Variants in CECR2 observed in about 807,000 individuals in gnomAD.
CECR2 encodes CECR2 histone acetyl-lysine reader, also known as chromatin remodeling regulator CECR2.
CECR2 carries 30 observed loss-of-function variants against 154.5 expected under a neutral mutation model. That is an observed-to-expected ratio of 0.19 (90% CI 0.15 to 0.26). CECR2 has a LOEUF of 0.26. Ranked by LOEUF, CECR2 falls within the 10% of genes least tolerant of loss-of-function variation. The probability of loss-of-function intolerance (pLI) is 1.00; values close to 1 mark genes in which losing one functional copy is unlikely to be tolerated. For missense variants in CECR2, 1,743 were observed against 1,829.3 expected, an observed-to-expected ratio of 0.95 and a Z score of 0.86; for synonymous variants, 725 against 683.7, an observed-to-expected ratio of 1.06 and a Z score of -0.94.
chr22:17,430,734 T>C (rs966933004), intron 1 of CECR2, among the ~76,000 whole-genome samples: 1 of 151,588 alleles, frequency 6.6e-6, no homozygotes, highest in African/African-American at 2.4e-5. Context: ...GGTTGCATCA[T>C]CCCTTTGGGT....
chr22:17,438,820 A>G (rs531785958), intron 1 of CECR2, among the ~76,000 whole-genome samples: 1 of 152,190 alleles, frequency 6.6e-6, no homozygotes, highest in African/African-American at 2.4e-5. Context: ...GATTTTTCAC[A>G]GTGAAACTTA....
At position 17,399,025 on chromosome 22, in the gene CECR2, C is replaced by T. The variant is rs114765945; in HGVS notation, c.126+29116C>T. Among the ~76,000 whole-genome samples the T allele has an allele frequency of 8.8e-3, 1,337 of 152,264 alleles. 17 individuals are homozygous for T. Among genetic ancestry groups the T allele is most frequent in the African/African-American group, 0.031 (1,274 of 41,540 alleles). On this transcript the variant is annotated intron_variant, in intron 1 of 18. Coordinates refer to ENST00000262608, the MANE Select transcript of CECR2 (RefSeq NM_001290047.2). Reference sequence around the variant, plus strand: ...TAGAAATGCAGAATCTCAGGCCTTACCCTGGATCTGTCTACTCAATCAGAT... The same window carrying T: ...TAGAAATGCAGAATCTCAGGCCTTATCCTGGATCTGTCTACTCAATCAGAT...
At chr22:17,462,427 T>C (rs1292801410) in intron 1 of CECR2, among the ~76,000 whole-genome samples, 2 of 147,826 alleles carry the variant, frequency 1.4e-5, no homozygotes, top group Non-Finnish European at 3.0e-5. Flanking sequence ...TTGAGGTCAT[T>C]TGGGGAGGCT....
rs553870318 is a variant in CECR2, at chr22:17,549,286, A to T, written c.3999A>T (p.Ser1333=). The T allele has an allele frequency of 1.9e-6, 3 of 1,613,980 alleles. No individual in the cohort carries two copies. The highest frequency in any genetic ancestry group is 1.7e-5 in the Admixed American group (1 of 60,020). ...PPLSSGMGFG[S]SAFPPHSVML... Reference sequence around the variant, plus strand: ...TGAGTTCAGGAATGGGATTTGGTTCATCTGCATTTCCACCCCACAGTGTGA... The same window carrying T: ...TGAGTTCAGGAATGGGATTTGGTTCTTCTGCATTTCCACCCCACAGTGTGA... The change falls in exon 17 of 19, where the codon TCA becomes TCT. Residue 1333 remains serine (S), a synonymous_variant. Coordinates refer to ENST00000262608, the MANE Select transcript of CECR2 (RefSeq NM_001290047.2).
Position 17,542,523 on chromosome 22 carries a change from C to G in CECR2, c.2380C>G (p.Leu794Val). ...GPLGPDEKPH[L>V]GPGPSHQPRT... ...CTTGGGCCCAGATGAGAAGCCCCAC[C>G]TGGGGCCAGGACCCTCTCACCAGCC... Residue 794 changes from leucine (L) to valine (V), a missense_variant, in exon 16 of 19, where the codon CTG becomes GTG. Physicochemically the swap from Leu to Val is conservative, Grantham distance 32. Around this residue, in one of 4 missense-constraint regions of CECR2, gnomAD observed 1,250 missense variants for 1,192.1 expected, o/e 1.05. Coordinates refer to ENST00000262608, the MANE Select transcript of CECR2 (RefSeq NM_001290047.2). 6.2e-7 allele frequency: 1 copy of G among 1,614,020 alleles called. No homozygotes were observed. The highest frequency in any genetic ancestry group is 2.2e-5 in the East Asian group (1 of 44,878).
chr22:17,509,128 G>GT (rs1166092741), intron 7 of CECR2, among the ~76,000 whole-genome samples: 1 of 152,148 alleles, frequency 6.6e-6, no homozygotes, highest in African/African-American at 2.4e-5. Context: ...ATGGGTGCCT[G>GT]TAATTCCAGC....
chr22:17,528,868 G>A (rs975902645), intron 9 of CECR2, among the ~76,000 whole-genome samples: 2 of 152,164 alleles, frequency 1.3e-5, no homozygotes, highest in African/African-American at 4.8e-5. Flanking sequence ...GTGAGAAGGT[G>A]GAGAGTAGAC....
chr22:17,438,044 C>T (rs1348624393), intron 1 of CECR2, among the ~76,000 whole-genome samples: 3 of 151,996 alleles, frequency 2.0e-5, no homozygotes, highest in Non-Finnish European at 4.4e-5. Flanking sequence ...ATGAAAACTT[C>T]CAAATGAACA....
intron 1 of CECR2, among the ~76,000 whole-genome samples, chr22:17,426,034 A>G (rs1390797880): frequency 6.6e-6 from 1 of 152,194 alleles, no homozygotes; most frequent in African/African-American, 2.4e-5. Flanking sequence ...ACCCTCAGGT[A>G]CCCATCATAT....
chr22:17,511,942 A>C lies in CECR2; in HGVS notation c.954+46A>C, dbSNP rs528325498. ...CGAGGAGGAGCTTTCCTGATGAAAG[A>C]GACGGATCCTTTTCATGTACTTCCA... is the stretch of plus-strand genomic sequence containing the variant. On this transcript the variant is annotated intron_variant, in intron 8 of 18. Transcript: ENST00000262608. The C allele has an allele frequency of 4.2e-6, 6 of 1,412,576 alleles. No individual in the cohort carries two copies. The South Asian group carries it at 7.8e-5, about 18-fold the overall frequency. 87.5% of individuals were successfully genotyped at this position (1,412,576 alleles called of 1,614,324 possible).
chr22:17,449,171 G>C (rs190979497), intron 1 of CECR2, among the ~76,000 whole-genome samples: 2 of 152,026 alleles, frequency 1.3e-5, no homozygotes, highest in Admixed American at 6.6e-5. Context: ...GAACCACCAC[G>C]TCCCACCTCT....
At position 17,524,342 on chromosome 22, in the gene CECR2, C is replaced by A. The variant is rs1333274429; in HGVS notation, c.1108+71C>A. 4 of 1,502,748 alleles carry A rather than the reference C, an allele frequency of 2.7e-6. No homozygotes were observed. In the East Asian group the frequency reaches 7.9e-5, roughly 30 times the overall value. 93.1% of individuals were successfully genotyped at this position (1,502,748 alleles called of 1,614,324 possible). The stretch of plus-strand genomic sequence containing the variant: ...CCAGCCGTCCTGTAGCCAGAGCCAA[C>A]TCAAGCTAAGTCCTGCCATGCATCC... On this transcript the variant is annotated intron_variant, in intron 9 of 18. Transcript: ENST00000262608.
At chr22:17,529,901 AAG>A (rs1413445304) in intron 9 of CECR2, among the ~76,000 whole-genome samples, 3 of 152,364 alleles carry the variant, frequency 2.0e-5, no homozygotes, top group South Asian at 2.1e-4. Flanking sequence ...ACTACAAAAA[AAG>A]AGAAATAATC....
chr22:17,462,410 G>A (rs1212980805), intron 1 of CECR2, among the ~76,000 whole-genome samples: 1 of 152,000 alleles, frequency 6.6e-6, no homozygotes, highest in Non-Finnish European at 1.5e-5. Flanking sequence ...TACTGAGAAG[G>A]TGTAGGTTGA....
intron 1 of CECR2, among the ~76,000 whole-genome samples, chr22:17,457,585 CG>C (rs2054874202): frequency 6.6e-6 from 1 of 152,218 alleles, no homozygotes; most frequent in Admixed American, 6.5e-5. Flanking sequence ...AACAGCTAGA[CG>C]GTTGCCTTGC....
intron 18 of CECR2, among the ~76,000 whole-genome samples, 188 bp downstream of exon 18, chr22:17,552,330 C>G (rs1477623475): frequency 6.6e-6 from 1 of 152,134 alleles, no homozygotes; most frequent in Non-Finnish European, 1.5e-5. Context: ...TCACATGTCT[C>G]TTTTTCTTAT....
At chr22:17,381,276 G>A (rs561953936) in intron 1 of CECR2, among the ~76,000 whole-genome samples, 10 of 152,214 alleles carry the variant, frequency 6.6e-5, no homozygotes, top group African/African-American at 2.2e-4. Flanking sequence ...TTCCTTTGTG[G>A]TGTTAAAGCA....
intron 16 of CECR2, among the ~76,000 whole-genome samples, chr22:17,544,844 G>T (rs1042056032): frequency 1.5e-5 from 2 of 135,840 alleles, no homozygotes; most frequent in Admixed American, 7.8e-5. Flanking sequence ...AAAGGTTCAT[G>T]CCTATAGTCC....
intron 2 of CECR2, among the ~76,000 whole-genome samples, chr22:17,479,765 C>CTTTTTTTTT (rs571664926): frequency 8.5e-6 from 1 of 117,094 alleles, no homozygotes; most frequent in African/African-American, 3.2e-5. Context: ...TGTGGTCTTT[C>CTTTTTTTTT]TTTTTTTTTT....
Sources: allele counts gnomAD v4.1 joint callset (sites outside exome capture counted in the v4.1 genomes callset), GRCh38; gene constraint gnomAD v4.1.1; regional missense constraint gnomAD v4.1.1; transcripts MANE v1.5; gene names NCBI Gene and HGNC (gene_info 2026-07-23, HGNC 2026-07-21).